The following MEI4 variants were observed in gnomAD, a reference collection of about 807,000 sequenced individuals.
The protein encoded by MEI4 is meiosis-specific protein MEI4.
A neutral mutation model predicts 31.4 loss-of-function variants in MEI4; 27 were observed. The ratio of observed to expected loss-of-function variants is 0.86; its 90% CI spans 0.63 to 1.19. The LOEUF (loss-of-function observed/expected upper bound fraction) is 1.19. MEI4 is among the 50% of genes most tolerant of loss of function. The probability of loss-of-function intolerance (pLI) is 0.00; values close to 1 mark genes in which losing one functional copy is unlikely to be tolerated. For missense variants in MEI4, 329 were observed against 398.9 expected (o/e 0.82, Z 1.49); for synonymous variants, 122 against 145.4 (o/e 0.84, Z 1.16).
intron 1 of MEI4, among the ~76,000 whole-genome samples, chr6:77,684,512 G>A (rs1019363860): frequency 4.6e-5 from 7 of 151,606 alleles, no homozygotes; most frequent in African/African-American, 7.3e-5. Flanking sequence ...ACTACCCTTC[G>A]CAGCTTCTGG....
intron 3 of MEI4, among the ~76,000 whole-genome samples, chr6:77,765,550 A>G (rs1362783909): frequency 1.3e-5 from 2 of 149,194 alleles, no homozygotes; most frequent in Non-Finnish European, 3.0e-5. Flanking sequence ...ATATCTCCTA[A>G]TGCTATCCCT....
Position 77,736,524 on chromosome 6 carries a change from G to C in MEI4, c.233-24606G>C, listed in dbSNP as rs150607638. On this transcript the variant is annotated intron_variant, in intron 2 of 4. Coordinates refer to ENST00000684080, the MANE Select transcript of MEI4 (RefSeq NM_001322247.2). ...ACGGTGCGCGCACACACTGACCTGC[G>C]CCCACTGTCTGGCACTCCCTAATGA... Among the ~76,000 whole-genome samples the C allele has an allele frequency of 2.0e-5, 3 of 151,946 alleles. No individual in the cohort carries two copies. The East Asian group carries it at 5.8e-4, about 29-fold the overall frequency.
intron 4 of MEI4, among the ~76,000 whole-genome samples, chr6:77,868,499 C>CTATATATATATATATA (rs71558933): frequency 0.11 from 6,749 of 60,778 alleles, 994 homozygotes; most frequent in Admixed American, 0.15. Context: ...GTAAAAAATA[C>CTATATATATATATATA]TACATATATA....
intron 4 of MEI4, among the ~76,000 whole-genome samples, chr6:77,841,333 A>ATATAT: frequency 5.8e-4 from 16 of 27,734 alleles, no homozygotes; most frequent in South Asian, 1.2e-3. Context: ...ATATATATAT[A>ATATAT]TTTTTTTTTT....
chr6:77,756,983 C>T (rs1380173070), intron 2 of MEI4, among the ~76,000 whole-genome samples: 1 of 152,158 alleles, frequency 6.6e-6, no homozygotes, highest in Non-Finnish European at 1.5e-5. Context: ...TCAATGAACA[C>T]TATAATGGAA....
chr6:77,905,349 T>A (rs1024718542), intron 4 of MEI4, among the ~76,000 whole-genome samples: 8 of 152,124 alleles, frequency 5.3e-5, no homozygotes, highest in Non-Finnish European at 1.0e-4. Flanking sequence ...CTCTTTGACT[T>A]TGATTTTTGA....
chr6:77,665,497 G>T (rs1768612946), intron 1 of MEI4, among the ~76,000 whole-genome samples: 1 of 152,006 alleles, frequency 6.6e-6, no homozygotes, highest in Admixed American at 6.5e-5. Context: ...AAGCAGAGAA[G>T]GGATAGAGAC....
chr6:77,891,764 T>C (rs1771773878), intron 4 of MEI4, among the ~76,000 whole-genome samples: 1 of 152,238 alleles, frequency 6.6e-6, no homozygotes, highest in African/African-American at 2.4e-5. Flanking sequence ...TTTTATGGAT[T>C]GATTTTCATA....
intron 4 of MEI4, among the ~76,000 whole-genome samples, chr6:77,836,006 A>G (rs1483059): frequency 0.026 from 3,989 of 152,248 alleles, 76 homozygotes; most frequent in South Asian, 0.048. Flanking sequence ...TAAATACAAA[A>G]CATGACACTT....
In MEI4 at chr6:77,762,318, T is replaced by C. The variant is rs143230844; in HGVS notation, c.768+653T>C. On this transcript the variant is annotated intron_variant, in intron 3 of 4. Coordinates refer to ENST00000684080, the MANE Select transcript of MEI4 (RefSeq NM_001322247.2). ...TTAGAAAGATTTACTCAGGGATTCT[T>C]TCTTAACAAGTGACATTGAGATAAC... Among the ~76,000 whole-genome samples the C allele has an allele frequency of 1.4e-3, 213 of 152,330 alleles. 1 individual carries two copies. The highest frequency in any genetic ancestry group is 4.5e-3 in the African/African-American group (187 of 41,582).
At chr6:77,881,477 G>A (rs1771489262) in intron 4 of MEI4, among the ~76,000 whole-genome samples, 1 of 152,142 alleles carries the variant, frequency 6.6e-6, no homozygotes, top group Non-Finnish European at 1.5e-5. Flanking sequence ...TCTATGTTTT[G>A]AATAACTGCC....
chr6:77,727,331 G>A (rs571259565), intron 2 of MEI4, among the ~76,000 whole-genome samples: 1 of 152,176 alleles, frequency 6.6e-6, no homozygotes. Context: ...ACTATCATTT[G>A]TCCTCAGAAG....
chr6:77,671,344 G>A (rs748332425), intron 1 of MEI4, among the ~76,000 whole-genome samples: 4 of 152,104 alleles, frequency 2.6e-5, no homozygotes, highest in Non-Finnish European at 5.9e-5. Context: ...ACAGGCATGA[G>A]CCACGGCACC....
At chr6:77,650,393 C>G (rs1380335326), upstream of MEI4, among the ~76,000 whole-genome samples, 8 of 152,236 alleles carry the variant, frequency 5.3e-5, no homozygotes, top group Admixed American at 5.2e-4. Flanking sequence ...GTCTCCGGGA[C>G]CTGCTCCCTC....
chr6:77,702,832 C>A (rs1263205170), intron 2 of MEI4, among the ~76,000 whole-genome samples: 1 of 152,154 alleles, frequency 6.6e-6, no homozygotes, highest in South Asian at 2.1e-4. Context: ...TTTGAATGGA[C>A]CTTGCTCAGC....
intron 3 of MEI4, among the ~76,000 whole-genome samples, chr6:77,777,225 T>C (rs1768472799): frequency 6.6e-6 from 1 of 152,138 alleles, no homozygotes; most frequent in African/African-American, 2.4e-5. Context: ...AGACAATTGA[T>C]AAATCCCTTA....
chr6:77,852,562 G>A (rs1352709430), intron 4 of MEI4, among the ~76,000 whole-genome samples: 1 of 137,606 alleles, frequency 7.3e-6, no homozygotes, highest in African/African-American at 2.7e-5. Context: ...TACTTTTTTT[G>A]TTTTTGTTTT....
chr6:77,745,512 T>A (rs1371058069), intron 2 of MEI4, among the ~76,000 whole-genome samples: 1 of 152,070 alleles, frequency 6.6e-6, no homozygotes, highest in Admixed American at 6.6e-5. Flanking sequence ...CTCCCACACA[T>A]TAATAATGGG....
intron 2 of MEI4, among the ~76,000 whole-genome samples, chr6:77,710,520 C>CAAAAAAAA (rs1198470708): frequency 2.8e-4 from 16 of 57,690 alleles, no homozygotes; most frequent in African/African-American, 4.7e-4. Context: ...GACTCCATCT[C>CAAAAAAAA]AAAAAAAAAA....
Sources: gnomAD v4.1 joint callset for allele counts (sites outside exome capture counted in the v4.1 genomes callset) on GRCh38, gnomAD v4.1.1 for gene constraint, MANE v1.5 for transcripts, NCBI Gene and HGNC (gene_info 2026-07-23, HGNC 2026-07-21) for gene names.